Variants in PLCE1 observed in about 807,000 individuals in gnomAD.
PLCE1 encodes the protein phospholipase C epsilon 1.
A neutral mutation model predicts 242.8 loss-of-function variants in PLCE1; 119 were observed. The observed-to-expected ratio is 0.49, with a 90% CI of 0.42 to 0.57. PLCE1 has a LOEUF of 0.57. PLCE1 is among the 20% of genes least tolerant of loss of function. PLCE1 has a pLI of 0.00. For synonymous variants in PLCE1, 945 were observed against 1,017.4 expected (o/e 0.93, Z 1.35); for missense variants, 2,441 against 2,788.8 (o/e 0.88, Z 2.81).
At chr10:94,201,380 A>G (rs2048980564) in intron 4 of PLCE1, among the ~76,000 whole-genome samples, 2 of 152,224 alleles carry the variant, frequency 1.3e-5, no homozygotes, top group Admixed American at 6.5e-5. Context: ...TTTGTGAACT[A>G]TAAAGTGCTA....
In PLCE1 at chr10:94,117,601, A is replaced by T. The variant is rs550686641; in HGVS notation, c.1207-14573A>T. Among the ~76,000 whole-genome samples the T allele has an allele frequency of 5.9e-4, 90 of 152,324 alleles. No individual in the cohort carries two copies. In the South Asian group the frequency reaches 9.8e-3, roughly 17 times the overall value. On this transcript the variant is annotated intron_variant, in intron 2 of 32. Coordinates refer to ENST00000371380, the MANE Select transcript of PLCE1 (RefSeq NM_016341.4). ...TATTTCAGGAGTTCCACCTGTATAC[A>T]ATACAATATACCATGAATCACTAGA...
chr10:94,086,629 A>G (rs1425718851), intron 2 of PLCE1, among the ~76,000 whole-genome samples: 3 of 152,224 alleles, frequency 2.0e-5, no homozygotes, highest in Non-Finnish European at 4.4e-5. Flanking sequence ...AGTGCCCAGC[A>G]CGGAGCACAT....
In PLCE1 at chr10:94,316,626, A is replaced by G. The variant is rs755416836; in HGVS notation, c.6212A>G (p.Glu2071Gly). The G allele has an allele frequency of 6.2e-7, 1 of 1,608,922 alleles. No homozygotes were observed. The highest frequency in any genetic ancestry group is 1.7e-5 in the Admixed American group (1 of 60,024). The stretch of plus-strand genomic sequence containing the variant: ...GAAGAAAAATATTTTATATCTAAAG[A>G]AAAGAATGAATGTAGGAAACAACCA... ...LMEEKYFISK[E>G]KNECRKQPFQ... Residue 2071 changes from glutamate (E) to glycine (G), a missense_variant, in exon 29 of 33, where the codon GAA becomes GGA. Coordinates refer to ENST00000371380, the MANE Select transcript of PLCE1 (RefSeq NM_016341.4).
chr10:94,076,124 T>TGTGC (rs1327771040), intron 2 of PLCE1, among the ~76,000 whole-genome samples: 1 of 135,966 alleles, frequency 7.4e-6, no homozygotes, highest in African/African-American at 2.9e-5. Context: ...TTTGTGTGTG[T>TGTGC]GTGCGTGCGT....
intron 3 of PLCE1, among the ~76,000 whole-genome samples, chr10:94,148,896 G>A (rs866594862): frequency 7.9e-5 from 12 of 152,142 alleles, no homozygotes; most frequent in African/African-American, 1.4e-4. Flanking sequence ...TGCCTTGAAT[G>A]TCTGGACTTG....
chr10:94,191,563 T>C (rs1033153972), intron 4 of PLCE1, among the ~76,000 whole-genome samples: 1 of 151,574 alleles, frequency 6.6e-6, no homozygotes, highest in Non-Finnish European at 1.5e-5. Flanking sequence ...ATCACTTGAG[T>C]GCGGGAGGTT....
At position 94,306,555 on chromosome 10, in the gene PLCE1, C is replaced by A; in HGVS notation, c.5751C>A (p.Asn1917Lys). The A allele has an allele frequency of 6.2e-7, 1 of 1,614,130 alleles. No individual in the cohort carries two copies. Among genetic ancestry groups the A allele is most frequent in the Non-Finnish European group, 8.5e-7 (1 of 1,179,996 alleles). Residue 1917 changes from asparagine to lysine, a missense_variant, in exon 26 of 33, where the codon AAC becomes AAA. Asn to Lys is a moderately conservative substitution (Grantham distance 94). Coordinates refer to ENST00000371380, the MANE Select transcript of PLCE1 (RefSeq NM_016341.4). The surrounding 1 kb of genome is among the most constrained non-coding windows in gnomAD (Gnocchi z 5.7). ...RTKPIHRNTL[N>K]PMWNEQFLFH... ...AGCCCATCCATCGAAACACCCTGAA[C>A]CCCATGTGGAACGAGCAGTTTCTGT...
intron 2 of PLCE1, among the ~76,000 whole-genome samples, chr10:94,043,277 G>A (rs76529840): frequency 6.6e-6 from 1 of 152,294 alleles, no homozygotes; most frequent in African/African-American, 2.4e-5. Context: ...AATGCTGCAA[G>A]CGCAGTCGAA....
intron 2 of PLCE1, among the ~76,000 whole-genome samples, chr10:94,128,362 A>G (rs2135862509): frequency 6.6e-6 from 1 of 152,168 alleles, no homozygotes; most frequent in South Asian, 2.1e-4. Flanking sequence ...CATTTTTCCA[A>G]CAAAGCACCT....
chr10:94,076,107 GTGTGTGTT>G (rs2044489947), intron 2 of PLCE1, among the ~76,000 whole-genome samples: 2 of 131,614 alleles, frequency 1.5e-5, no homozygotes, highest in South Asian at 2.4e-4. Context: ...TTGGCCCTGT[GTGTGTGTT>G]TGTGTGTGTG....
intron 4 of PLCE1, among the ~76,000 whole-genome samples, chr10:94,209,106 A>G (rs796905404): frequency 2.6e-4 from 40 of 152,314 alleles, no homozygotes; most frequent in African/African-American, 9.4e-4. Flanking sequence ...TAAAATGGTG[A>G]GAGTTCTGTG....
intron 2 of PLCE1, among the ~76,000 whole-genome samples, chr10:94,129,867 C>T (rs183295944): frequency 6.7e-4 from 102 of 152,312 alleles, no homozygotes; most frequent in Non-Finnish European, 1.2e-3. Context: ...ATCAGGCCAG[C>T]TGACCTTTCT....
chr10:94,092,756 G>A (rs2045128814), intron 2 of PLCE1, among the ~76,000 whole-genome samples: 2 of 146,002 alleles, frequency 1.4e-5, no homozygotes, highest in Non-Finnish European at 3.1e-5. Flanking sequence ...CCAGTAAAAA[G>A]GTTCACACAT....
intron 2 of PLCE1, chr10:94,106,262 A>T (rs1689986001): frequency 6.6e-6 from 1 of 152,266 alleles, no homozygotes; most frequent in South Asian, 2.1e-4. Flanking sequence ...GTATATTTAC[A>T]TAATTTTAAA....
intron 25 of PLCE1, among the ~76,000 whole-genome samples, chr10:94,305,235 G>C (rs2053161620): frequency 2.0e-5 from 3 of 152,136 alleles, no homozygotes; most frequent in Non-Finnish European, 4.4e-5. Flanking sequence ...TTCGAGACCA[G>C]CCTGGGCAAC....
chr10:94,281,255 T>TA (rs1255781704), intron 20 of PLCE1, among the ~76,000 whole-genome samples: 1 of 152,204 alleles, frequency 6.6e-6, no homozygotes, highest in Non-Finnish European at 1.5e-5. Context: ...TATGCCCCTA[T>TA]AAGTAGTTAG....
At chr10:94,066,631 C>G (rs2044203826) in intron 2 of PLCE1, among the ~76,000 whole-genome samples, 1 of 152,170 alleles carries the variant, frequency 6.6e-6, no homozygotes, top group African/African-American at 2.4e-5. Flanking sequence ...TTTTAATGCA[C>G]TATTCCCATG....
rs2050666527 is a variant in PLCE1, at chr10:94,246,025, G to C, written c.2500G>C (p.Asp834His). The C allele has an allele frequency of 6.2e-7, 1 of 1,614,086 alleles. No homozygotes were observed. Residue 834 changes from aspartate (D) to histidine (H), a missense_variant, in exon 8 of 33, where the codon GAC becomes CAC. Physicochemically the swap from Asp to His is moderately conservative, Grantham distance 81. Around this residue, in one of 5 missense-constraint regions of PLCE1, gnomAD observed 733 missense variants for 754.2 expected, o/e 0.97. Transcript: ENST00000371380. ...AGAATACGACTCTCATGGTTCAGAG[G>C]ACTCACAGAAGGCCTTCGACCATGG... is the stretch of plus-strand genomic sequence containing the variant. ...SKEYDSHGSEDSQKAFDHGTE... is the reference protein window; with the variant it reads ...SKEYDSHGSEHSQKAFDHGTE...
At chr10:94,125,397 T>A (rs74151054) in intron 2 of PLCE1, among the ~76,000 whole-genome samples, 6,676 of 151,970 alleles carry the variant, frequency 0.044, 469 homozygotes, top group African/African-American at 0.14. Flanking sequence ...ATTAGCGCCT[T>A]ATTTTTTTTT....
Sources: allele counts gnomAD v4.1 joint callset (sites outside exome capture counted in the v4.1 genomes callset), GRCh38; gene constraint gnomAD v4.1.1; regional missense constraint gnomAD v4.1.1; non-coding constraint Gnocchi (gnomAD v3.1); transcripts MANE v1.5; gene names NCBI Gene and HGNC (gene_info 2026-07-23, HGNC 2026-07-21).